Variants in CCSER2 observed in about 807,000 individuals in gnomAD.
CCSER2 encodes the protein serine-rich coiled-coil domain-containing protein 2.
In CCSER2, 46 loss-of-function variants were observed where a neutral mutation model predicts 92.3. The observed-to-expected ratio is 0.50, with a 90% CI of 0.39 to 0.64. The LOEUF (loss-of-function observed/expected upper bound fraction) is 0.64, where lower values mean the gene tolerates loss of function less well. Ranked by LOEUF, CCSER2 falls within the 30% of genes least tolerant of loss-of-function variation. The pLI is 0.00. For synonymous variants in CCSER2, 433 were observed against 431.4 expected (o/e 1.00, Z -0.04); for missense variants, 1,244 against 1,238.9 (o/e 1.00, Z -0.06).
chr10:84,501,231 G>C (rs951860730), intron 9 of CCSER2, among the ~76,000 whole-genome samples: 3 of 151,884 alleles, frequency 2.0e-5, no homozygotes, highest in Admixed American at 2.0e-4. Flanking sequence ...AATAATCCCA[G>C]CACAAAAAGA....
At chr10:84,408,657 A>C (rs923994893) in intron 3 of CCSER2, among the ~76,000 whole-genome samples, 2 of 152,236 alleles carry the variant, frequency 1.3e-5, no homozygotes, top group African/African-American at 4.8e-5. Flanking sequence ...TTGGTTATTA[A>C]AAGTTTGGCA....
At chr10:84,349,362 T>C (rs757919813) in intron 1 of CCSER2, among the ~76,000 whole-genome samples, 1 of 152,144 alleles carries the variant, frequency 6.6e-6, no homozygotes, top group African/African-American at 2.4e-5. Context: ...AGTTTCTCTC[T>C]CCCCTATATA....
intron 3 of CCSER2, among the ~76,000 whole-genome samples, chr10:84,409,509 A>ATAC (rs1842540854): frequency 6.6e-6 from 1 of 151,672 alleles, no homozygotes; most frequent in Admixed American, 6.6e-5. Flanking sequence ...TGTATATTAT[A>ATAC]GTGTTTTTAT....
chr10:84,406,023 A>G (rs1377566240), intron 3 of CCSER2, among the ~76,000 whole-genome samples: 1 of 152,206 alleles, frequency 6.6e-6, no homozygotes, highest in Non-Finnish European at 1.5e-5. Flanking sequence ...CATGTATAGT[A>G]GTTAAAAACT....
At chr10:84,361,764 C>G (rs1036422905) in intron 1 of CCSER2, among the ~76,000 whole-genome samples, 6 of 152,014 alleles carry the variant, frequency 3.9e-5, no homozygotes, top group Admixed American at 2.6e-4. Flanking sequence ...CCTCAGCCTC[C>G]CGAGTAGCTG....
intron 1 of CCSER2, among the ~76,000 whole-genome samples, chr10:84,331,899 TA>T (rs1843579504): frequency 6.6e-6 from 1 of 152,236 alleles, no homozygotes; most frequent in Non-Finnish European, 1.5e-5. Context: ...TATACAGTGT[TA>T]CAATGTCATT....
intron 1 of CCSER2, among the ~76,000 whole-genome samples, chr10:84,356,669 C>G (rs4572075): frequency 6.6e-6 from 1 of 151,872 alleles, no homozygotes; most frequent in African/African-American, 2.4e-5. Context: ...GGGAAGAGAT[C>G]GGTTTCTTCA....
At chr10:84,485,749 T>A (rs34441147) in intron 9 of CCSER2, among the ~76,000 whole-genome samples, 8,879 of 152,302 alleles carry the variant, frequency 0.058, 371 homozygotes, top group Admixed American at 0.1. Context: ...CATGCTTTTT[T>A]AATTATTATT....
At chr10:84,351,726 A>G (rs1397305287) in intron 1 of CCSER2, among the ~76,000 whole-genome samples, 3 of 152,214 alleles carry the variant, frequency 2.0e-5, no homozygotes, top group Non-Finnish European at 4.4e-5. Flanking sequence ...AGGAGAAAAT[A>G]TAATGCTTGG....
chr10:84,498,822 A>T (rs1292256019), intron 9 of CCSER2, among the ~76,000 whole-genome samples: 1 of 152,218 alleles, frequency 6.6e-6, no homozygotes, highest in Admixed American at 6.5e-5. Context: ...GAGGCTAAGG[A>T]CATAAGACCC....
At position 84,496,047 on chromosome 10, in the gene CCSER2, T is replaced by C. The variant is rs372536016; in HGVS notation, c.2326-17402T>C. Among the ~76,000 whole-genome samples the C allele has an allele frequency of 2.0e-4, 31 of 151,848 alleles. No individual in the cohort carries two copies. In the South Asian group the frequency reaches 2.9e-3, roughly 14 times the overall value. On this transcript the variant is annotated intron_variant, in intron 9 of 9. Transcript: ENST00000372088. ...TCTATTTTTATTTATATATAGTGTT[T>C]TGAGTTTATGTCTTTATAATAATGT...
At chr10:84,376,558 A>T (rs1846347785) in intron 3 of CCSER2, among the ~76,000 whole-genome samples, 1 of 152,140 alleles carries the variant, frequency 6.6e-6, no homozygotes, top group Non-Finnish European at 1.5e-5. Flanking sequence ...CTTGTATCAT[A>T]TTCCTTTGTG....
At chr10:84,421,354 G>A (rs1589616054) in intron 4 of CCSER2, among the ~76,000 whole-genome samples, 1 of 152,176 alleles carries the variant, frequency 6.6e-6, no homozygotes, top group Non-Finnish European at 1.5e-5. Context: ...ACAGGAAAGA[G>A]GTTTAGTTGA....
At chr10:84,475,423 C>T (rs1249536312) in intron 8 of CCSER2, among the ~76,000 whole-genome samples, 1 of 152,038 alleles carries the variant, frequency 6.6e-6, no homozygotes, top group African/African-American at 2.4e-5. Flanking sequence ...CATATATTTG[C>T]CAAATATTAT....
intron 3 of CCSER2, among the ~76,000 whole-genome samples, chr10:84,404,786 T>C (rs1842295344): frequency 6.6e-6 from 1 of 152,198 alleles, no homozygotes; most frequent in African/African-American, 2.4e-5. Context: ...CTTGAGTAAA[T>C]ATAACAATGT....
chr10:84,358,626 A>ATATATATATATGTATATATGTG (rs1325566407), intron 1 of CCSER2, among the ~76,000 whole-genome samples: 1 of 142,388 alleles, frequency 7.0e-6, no homozygotes, highest in Non-Finnish European at 1.5e-5. Flanking sequence ...CCCTATCTAA[A>ATATATATATATGTATATATGTG]TATATATATA....
chr10:84,331,403 C>A (rs1843556282), intron 1 of CCSER2, among the ~76,000 whole-genome samples: 1 of 152,210 alleles, frequency 6.6e-6, no homozygotes, highest in Non-Finnish European at 1.5e-5. Context: ...CTTCACTATT[C>A]CTCTCAGCCA....
Position 84,477,614 on chromosome 10 carries a change from A to T in CCSER2, c.2275A>T (p.Lys759Ter). ...CTGCCACCAAAAATGTAAAGAGGAA[A>T]AATGCACTTATGCTGATAAATATAC... The part of the protein sequence containing the change: ...HICHQKCKEE[K>*]CTYADKYTQT... The change falls in exon 9 of 10, where the codon AAA becomes TAA. Residue 759 changes from lysine to a stop codon, truncating the protein, a stop_gained. Coordinates refer to ENST00000372088, the MANE Select transcript of CCSER2 (RefSeq NM_001284240.2). LOFTEE classifies it high-confidence loss of function. The T allele has an allele frequency of 6.2e-7, 1 of 1,612,868 alleles. No individual in the cohort carries two copies. The highest frequency in any genetic ancestry group is 8.5e-7 in the Non-Finnish European group (1 of 1,179,208).
rs374108752 is a variant in CCSER2 at position 84,371,194 on chromosome 10, A to G, written c.142A>G (p.Lys48Glu). ...LLGTSKNSNV[K>E]SYIKNNGSDC... Reference sequence around the variant, plus strand: ...AGGAACTTCCAAGAATAGTAATGTCAAAAGTTACATCAAAAATAATGGCTC... The same window carrying G: ...AGGAACTTCCAAGAATAGTAATGTCGAAAGTTACATCAAAAATAATGGCTC... The change falls in exon 2 of 10, where the codon AAA becomes GAA. Residue 48 changes from lysine to glutamate, a missense_variant. By Grantham distance (56) the Lys-to-Glu change is moderately conservative (BLOSUM62 1). Transcript: ENST00000372088. The G allele has an allele frequency of 7.1e-5, 114 of 1,613,424 alleles. No homozygotes were observed. The highest frequency in any genetic ancestry group is 9.5e-5 in the Non-Finnish European group (112 of 1,179,748).
Sources: allele counts gnomAD v4.1 joint callset (sites outside exome capture counted in the v4.1 genomes callset), GRCh38; gene constraint gnomAD v4.1.1; transcripts MANE v1.5; gene names NCBI Gene and HGNC (gene_info 2026-07-23, HGNC 2026-07-21).